Variants in ALDH1L1 observed in about 807,000 individuals in gnomAD.
The protein encoded by ALDH1L1 is aldehyde dehydrogenase 1 family member L1, also known as cytosolic 10-formyltetrahydrofolate dehydrogenase.
In ALDH1L1, 68 loss-of-function variants were observed where a neutral mutation model predicts 101.1. That is an observed-to-expected ratio of 0.67 (90% CI 0.55 to 0.82). The LOEUF (loss-of-function observed/expected upper bound fraction) is 0.82. Among genes scored for constraint, ALDH1L1 ranks in the 40% least tolerant of loss-of-function variants. ALDH1L1 has a pLI of 0.00. For missense variants in ALDH1L1, 1,087 were observed against 1,172.7 expected (o/e 0.93, Z 1.07); for synonymous variants, 486 against 470.8 (o/e 1.03, Z -0.42).
chr3:126,161,090 C>G, intron 1 of ALDH1L1, 88 bp from the exon 2 acceptor site: 3 of 1,461,152 alleles, frequency 2.1e-6, no homozygotes, highest in Middle Eastern at 2.0e-4. Flanking sequence ...TTCATGGCAC[C>G]TGGCCTGCTC....
intron 9 of ALDH1L1, 33 bp from the exon 10 acceptor site, chr3:126,137,993 G>T (rs749353818): frequency 1.2e-6 from 2 of 1,612,986 alleles, no homozygotes; most frequent in Non-Finnish European, 1.7e-6. Context: ...TGGGGACACG[G>T]GAGGGGCTCA....
At chr3:126,130,146 C>T in intron 14 of ALDH1L1, 77 bp downstream of exon 14, 4 of 1,383,530 alleles carry the variant, frequency 2.9e-6, no homozygotes, top group Non-Finnish European at 3.9e-6. Context: ...CTGTGAGCTC[C>T]CGCAGGCTGT....
intron 5 of ALDH1L1, among the ~76,000 whole-genome samples, 200 bp downstream of exon 5, chr3:126,155,202 G>C (rs2080880799): frequency 6.6e-6 from 1 of 152,168 alleles, no homozygotes; most frequent in Admixed American, 6.5e-5. Context: ...AATGGACCCT[G>C]TTCGCTACCC....
chr3:126,155,337 G>C, intron 5 of ALDH1L1, 65 bp downstream of exon 5: 1 of 1,449,328 alleles, frequency 6.9e-7, no homozygotes, highest in Non-Finnish European at 9.4e-7. Flanking sequence ...GCCTCCTCAG[G>C]CTGCCCTCTA....
At chr3:126,195,026 A>G (rs2081574413) in intron 1 of ALDH1L1, among the ~76,000 whole-genome samples, 1 of 151,736 alleles carries the variant, frequency 6.6e-6, no homozygotes, top group African/African-American at 2.4e-5. Context: ...ACAAAAATTT[A>G]CCATGCGAGA....
chr3:126,108,505 G>A (rs563892976), intron 20 of ALDH1L1, among the ~76,000 whole-genome samples: 7 of 152,336 alleles, frequency 4.6e-5, no homozygotes, highest in East Asian at 1.9e-4. Flanking sequence ...CACTGCAAGG[G>A]TCCTGGTGAT....
intron 12 of ALDH1L1, among the ~76,000 whole-genome samples, chr3:126,131,766 C>T (rs755121958): frequency 5.3e-5 from 8 of 152,380 alleles, no homozygotes; most frequent in Admixed American, 2.6e-4. Context: ...GATCTTCCCT[C>T]GCTTCCTTCC....
chr3:126,170,772 T>A (rs2081257637), intron 1 of ALDH1L1, among the ~76,000 whole-genome samples: 1 of 152,196 alleles, frequency 6.6e-6, no homozygotes. Context: ...GCTCCCTTTC[T>A]AGCCTCATGC....
intron 1 of ALDH1L1, among the ~76,000 whole-genome samples, chr3:126,194,877 T>C (rs897859053): frequency 5.3e-5 from 8 of 152,282 alleles, no homozygotes; most frequent in African/African-American, 1.9e-4. Context: ...TGGTAACTTT[T>C]AGCAACTTTT....
intron 13 of ALDH1L1, among the ~76,000 whole-genome samples, chr3:126,131,064 C>G (rs1468840786): frequency 2.0e-5 from 3 of 152,214 alleles, no homozygotes; most frequent in Non-Finnish European, 2.9e-5. Context: ...CCTGCGGCCT[C>G]AGCCCTGCAT....
rs774527985 is a variant in ALDH1L1, at chr3:126,130,302, G to A, written c.1624-9C>T. The A allele has an allele frequency of 1.9e-6, 3 of 1,605,004 alleles. No individual in the cohort carries two copies. In the South Asian group the frequency reaches 3.4e-5, roughly 18 times the overall value. ...ATGGGGATGGTGGAGCCCTGGAAGA[G>A]GAACAGGGGCAGTCACCCAGGGGCC... On this transcript the variant is annotated splice_polypyrimidine_tract_variant and intron_variant, in intron 13 of 22. Transcript: ENST00000393434.
intron 1 of ALDH1L1, among the ~76,000 whole-genome samples, chr3:126,193,497 C>A (rs2081565132): frequency 6.6e-6 from 1 of 152,058 alleles, no homozygotes; most frequent in South Asian, 2.1e-4. Flanking sequence ...AGAGTGTAAC[C>A]AAAACTTAGG....
chr3:126,145,972 C>A (rs2080667320), intron 9 of ALDH1L1, among the ~76,000 whole-genome samples: 1 of 152,114 alleles, frequency 6.6e-6, no homozygotes, highest in Admixed American at 6.5e-5. Context: ...GTCTGGCATT[C>A]TTCTTCTTGG....
chr3:126,148,772 A>G (rs2080751150), intron 8 of ALDH1L1, among the ~76,000 whole-genome samples: 1 of 152,206 alleles, frequency 6.6e-6, no homozygotes, highest in Admixed American at 6.5e-5. Flanking sequence ...CTGAATGTGC[A>G]CGGTGAACAA....
rs2080485571 is a variant in ALDH1L1, at chr3:126,137,961, C to A, written c.1077-1G>T. 2.5e-6 allele frequency: 4 copies of A among 1,614,032 alleles called. No individual in the cohort carries two copies. Among genetic ancestry groups the A allele is most frequent in the Non-Finnish European group, 3.4e-6 (4 of 1,179,952 alleles). On this transcript the variant is annotated splice_acceptor_variant, in intron 9 of 22. Transcript: ENST00000393434. LOFTEE classifies it high-confidence loss of function. ...CAGCTCCTTCACTTCCTCCACCAGC[C>A]TGGAGGAAGGAGATGGAAAGATGGG...
At chr3:126,166,354 A>G (rs2081168313) in intron 1 of ALDH1L1, among the ~76,000 whole-genome samples, 1 of 152,220 alleles carries the variant, frequency 6.6e-6, no homozygotes, top group Admixed American at 6.5e-5. Flanking sequence ...ATTCCTGCAT[A>G]TAACTCAATC....
upstream of ALDH1L1, among the ~76,000 whole-genome samples, chr3:126,182,518 G>A (rs141809598): frequency 9.2e-4 from 140 of 152,288 alleles, no homozygotes; most frequent in Middle Eastern, 3.4e-3. Flanking sequence ...CAATGATGGC[G>A]AAGACTAGCT....
rs185775623 is a variant in ALDH1L1, at chr3:126,112,937, G to A, written c.2083-57C>T. 4.3e-4 allele frequency: 654 copies of A among 1,535,062 alleles called. 7 individuals are homozygous for A. In the East Asian group the frequency reaches 9.8e-3, roughly 23 times the overall value. On this transcript the variant is annotated intron_variant, in intron 18 of 22. Coordinates refer to ENST00000393434, the MANE Select transcript of ALDH1L1 (RefSeq NM_012190.4). ...TGCTCCTCCTGGGACACCAGCCCCC[G>A]GCTCTGCCAGGGCCCAGCCGCCTCT...
intron 20 of ALDH1L1, among the ~76,000 whole-genome samples, chr3:126,109,002 G>A (rs754590287): frequency 1.3e-5 from 2 of 152,210 alleles, no homozygotes; most frequent in African/African-American, 4.8e-5. Flanking sequence ...GACACTGAGC[G>A]AGGCAAGATG....
Sources: allele counts gnomAD v4.1 joint callset (sites outside exome capture counted in the v4.1 genomes callset), GRCh38; gene constraint gnomAD v4.1.1; transcripts MANE v1.5; gene names NCBI Gene and HGNC (gene_info 2026-07-23, HGNC 2026-07-21).